LSM1: variants seen among roughly 807,000 people sequenced by gnomAD.
LSM1 encodes the protein LSM1 homolog, mRNA degradation associated.
In LSM1, 13 loss-of-function variants were observed where a neutral mutation model predicts 18.0. That is an observed-to-expected ratio of 0.72 (90% CI 0.47 to 1.15). The LOEUF is 1.15. Among genes scored for constraint, LSM1 ranks in the 50% most tolerant of loss-of-function variants. LSM1 has a pLI of 0.00. For missense variants in LSM1, 152 were observed against 157.7 expected (o/e 0.96, Z 0.19); for synonymous variants, 46 against 56.0 (o/e 0.82, Z 0.80).
chr8:38,173,988 T>C (rs1371364564), intron 1 of LSM1, among the ~76,000 whole-genome samples: 2 of 151,952 alleles, frequency 1.3e-5, no homozygotes, highest in African/African-American at 4.8e-5. Flanking sequence ...GAGAAGAGAA[T>C]TAAAGAATCT....
At chr8:38,175,078 A>G (rs1380192809) in intron 1 of LSM1, among the ~76,000 whole-genome samples, 3 of 148,018 alleles carry the variant, frequency 2.0e-5, no homozygotes, top group Non-Finnish European at 4.5e-5. Context: ...TCAACCATAA[A>G]ATGATTTTTT....
chr8:38,163,948 G>T (rs1466340794), intron 3 of LSM1, 108 bp from the exon 4 acceptor site: 1 of 977,264 alleles, frequency 1.0e-6, no homozygotes, highest in East Asian at 2.5e-5. Flanking sequence ...TTTCATAACT[G>T]TGACAGGAAC....
intron 1 of LSM1, among the ~76,000 whole-genome samples, chr8:38,173,050 G>T (rs1803057171): frequency 6.6e-6 from 1 of 152,180 alleles, no homozygotes. Context: ...GGTTACAGAA[G>T]GAAGGGTGGC....
chr8:38,173,931 C>G (rs1357297605), intron 1 of LSM1, among the ~76,000 whole-genome samples: 1 of 151,988 alleles, frequency 6.6e-6, no homozygotes, highest in Non-Finnish European at 1.5e-5. Flanking sequence ...ACAGTAAGAG[C>G]CAGAGAAGTA....
At chr8:38,170,001 A>G (rs16887236) in intron 2 of LSM1, 84 bp from the exon 3 acceptor site, 79,724 of 659,092 alleles carry the variant, frequency 0.12, 6,497 homozygotes, top group East Asian at 0.29. Flanking sequence ...GTTATTTTGA[A>G]AAGATTTAGG....
At chr8:38,174,721 G>C (rs1247093681) in intron 1 of LSM1, among the ~76,000 whole-genome samples, 1 of 152,022 alleles carries the variant, frequency 6.6e-6, no homozygotes, top group African/African-American at 2.4e-5. Flanking sequence ...AGTAATTTGT[G>C]TTTAAAAAAA....
chr8:38,174,731 A>T lies in LSM1; in HGVS notation c.46+1544T>A, dbSNP rs1332040758. 2.6e-5 allele frequency among the ~76,000 whole-genome samples: 4 copies of T among 152,276 alleles called. No homozygotes were observed. In the East Asian group the frequency reaches 7.8e-4, roughly 30 times the overall value. ...CAATAAGTAATTTGTGTTTAAAAAA[A>T]TGATCTGTCGGCCGGAGGCGGTGGC... is the stretch of plus-strand genomic sequence containing the variant. On this transcript the variant is annotated intron_variant, in intron 1 of 3. Transcript: ENST00000311351.
intron 1 of LSM1, among the ~76,000 whole-genome samples, chr8:38,173,525 T>C (rs576471795): frequency 5.9e-5 from 9 of 152,258 alleles, no homozygotes; most frequent in African/African-American, 1.4e-4. Context: ...TTTGACTTCA[T>C]AGGGAACAAG....
At chr8:38,168,697 A>G (rs1327585704) in intron 3 of LSM1, among the ~76,000 whole-genome samples, 3 of 151,910 alleles carry the variant, frequency 2.0e-5, no homozygotes, top group Admixed American at 6.5e-5. Flanking sequence ...ATTTTATAAG[A>G]AAAATTTTTA....
At chr8:38,175,118 T>C (rs1283064441) in intron 1 of LSM1, among the ~76,000 whole-genome samples, 2 of 146,524 alleles carry the variant, frequency 1.4e-5, no homozygotes, top group Non-Finnish European at 3.0e-5. Context: ...TCTTGCTCTG[T>C]CGCTCAGGCT....
chr8:38,163,872 T>C, intron 3 of LSM1, 32 bp from the exon 4 acceptor site: 1 of 1,599,246 alleles, frequency 6.3e-7, no homozygotes, highest in Non-Finnish European at 8.6e-7. Context: ...AAACTTCACC[T>C]GAAGACCAAG....
chr8:38,176,110 G>A (rs1803134846), intron 1 of LSM1, 165 bp downstream of exon 1: 1 of 567,492 alleles, frequency 1.8e-6, no homozygotes, highest in Non-Finnish European at 3.1e-6. Context: ...GTGGGCAAGC[G>A]GTGTGTACCG....
intron 3 of LSM1, among the ~76,000 whole-genome samples, chr8:38,167,965 CT>C (rs760684822): frequency 2.1e-3 from 299 of 142,916 alleles, no homozygotes; most frequent in Middle Eastern, 3.7e-3. Flanking sequence ...TGCTTTCAGA[CT>C]TTTTTTTTTT....
At chr8:38,176,679 G>A, upstream of LSM1, 1 of 663,006 alleles carries the variant, frequency 1.5e-6, no homozygotes, top group Non-Finnish European at 2.4e-6. Context: ...GGGTTCCCGA[G>A]ACCCCAGAGT....
intron 3 of LSM1, among the ~76,000 whole-genome samples, chr8:38,165,189 A>T (rs1802908646): frequency 6.6e-6 from 1 of 152,122 alleles, no homozygotes; most frequent in Non-Finnish European, 1.5e-5. Context: ...GTCTCTACTA[A>T]AAATACAAAA....
chr8:38,167,985 G>A (rs1422674238), intron 3 of LSM1, among the ~76,000 whole-genome samples: 2 of 149,720 alleles, frequency 1.3e-5, no homozygotes, highest in African/African-American at 4.9e-5. Context: ...TTTTTGAGAC[G>A]GAATCTTGCT....
intron 1 of LSM1, 181 bp downstream of exon 1, chr8:38,176,092 GCT>G: frequency 2.0e-6 from 1 of 508,844 alleles, no homozygotes; most frequent in South Asian, 2.8e-5. Flanking sequence ...GTAGCAGCAG[GCT>G]ACTGGGTGGG....
intron 1 of LSM1, among the ~76,000 whole-genome samples, chr8:38,173,807 G>A (rs942513879): frequency 1.3e-5 from 2 of 152,158 alleles, no homozygotes; most frequent in African/African-American, 4.8e-5. Flanking sequence ...ATTAGAGAAA[G>A]CAATTTTGGA....
Position 38,163,445 on chromosome 8 carries a change from T to C in LSM1, c.*225A>G, listed in dbSNP as rs1031575784. 8 of 425,776 alleles carry C rather than the reference T, an allele frequency of 1.9e-5. No homozygotes were observed. The highest frequency in any genetic ancestry group is 1.6e-4 in the African/African-American group (8 of 50,808). 26.4% of individuals were successfully genotyped at this position (425,776 alleles called of 1,614,324 possible). On this transcript the variant is annotated 3_prime_UTR_variant, in exon 4 of 4. Transcript: ENST00000311351. ...GAAGTAGTTGCTGGTGCCACAGTGATGTGTGAAGGAGTCTATGCCACTGTT... is the reference window on the plus strand; with the variant it reads ...GAAGTAGTTGCTGGTGCCACAGTGACGTGTGAAGGAGTCTATGCCACTGTT...
Sources: gnomAD v4.1 joint callset for allele counts (sites outside exome capture counted in the v4.1 genomes callset) on GRCh38, gnomAD v4.1.1 for gene constraint, MANE v1.5 for transcripts, NCBI Gene and HGNC (gene_info 2026-07-23, HGNC 2026-07-21) for gene names.